Variants in ATP7A observed in about 807,000 individuals in gnomAD.
ATP7A encodes the protein copper-transporting ATPase 1.
A neutral mutation model predicts 83.5 loss-of-function variants in ATP7A; 7 were observed. That is an observed-to-expected ratio of 0.08 (90% confidence interval 0.05 to 0.16). The LOEUF (loss-of-function observed/expected upper bound fraction) is 0.16, where lower values mean the gene tolerates loss of function less well. Ranked by LOEUF, ATP7A falls within the 10% of genes least tolerant of loss-of-function variation. ATP7A has a pLI of 1.00. For missense variants in ATP7A, 940 were observed against 1,120.8 expected (o/e 0.84, Z 2.30); for synonymous variants, 354 against 395.2 (o/e 0.90, Z 1.24).
At chrX:77,917,346 T>C (rs1186417335) in intron 1 of ATP7A, among the ~76,000 whole-genome samples, 1 of 111,037 alleles carries the variant, frequency 9.0e-6, no homozygotes, top group African/African-American at 3.3e-5. Context: ...CTGGAGAGGG[T>C]TTGGGGCTTT....
At chrX:78,037,393 T>C (rs1176977711) in intron 17 of ATP7A, among the ~76,000 whole-genome samples, 4 of 112,602 alleles carry the variant, frequency 3.6e-5, no homozygotes, top group African/African-American at 1.3e-4. Context: ...AATAGCCACA[T>C]CTGTGTGTTA....
At chrX:78,022,509 A>ATTTG (rs2077914044) in intron 14 of ATP7A, among the ~76,000 whole-genome samples, 1 of 74,299 alleles carries the variant, frequency 1.3e-5, no homozygotes, top group Non-Finnish European at 2.8e-5. Flanking sequence ...TTGTTTGTTT[A>ATTTG]TTTATTTATT....
At chrX:77,968,580 C>A (rs1171452596) in intron 1 of ATP7A, among the ~76,000 whole-genome samples, 1 of 112,116 alleles carries the variant, frequency 8.9e-6, no homozygotes, top group Non-Finnish European at 1.9e-5. Context: ...GTAAACAAAG[C>A]ACTCACAAAA....
At chrX:78,018,831 G>C (rs1297945133) in intron 12 of ATP7A, among the ~76,000 whole-genome samples, 3 of 111,918 alleles carry the variant, frequency 2.7e-5, no homozygotes, top group African/African-American at 9.8e-5. Flanking sequence ...TAAAATCTTG[G>C]CAGAAGGTGA....
intron 1 of ATP7A, among the ~76,000 whole-genome samples, chrX:77,918,739 T>C (rs1044732331): frequency 4.5e-5 from 5 of 111,555 alleles, no homozygotes; most frequent in African/African-American, 1.3e-4. Flanking sequence ...GGCTGTTGCA[T>C]TGTACAAATC....
intron 12 of ATP7A, 50 bp downstream of exon 12, chrX:78,015,931 G>C (rs1557235120): frequency 8.5e-7 from 1 of 1,179,088 alleles, no homozygotes; most frequent in Non-Finnish European, 1.2e-6. Flanking sequence ...AAATAGACAT[G>C]AAAGATGAAG....
Position 78,040,578 on chromosome X carries a change from G to A in ATP7A, c.3659-13G>A. 8.3e-7 allele frequency: 1 copy of A among 1,208,823 alleles called. No homozygotes were observed. Among genetic ancestry groups the A allele is most frequent in the Middle Eastern group, 2.3e-4 (1 of 4,348 alleles). On this transcript the variant is annotated splice_polypyrimidine_tract_variant and intron_variant, in intron 18 of 22. Transcript: ENST00000341514. ...ATTCCAAGTTCTTTTATTTTGTGCT[G>A]CCCCTATATTAGATGAGCTGTGTGG...
intron 1 of ATP7A, among the ~76,000 whole-genome samples, chrX:77,919,211 A>G (rs2077199143): frequency 1.8e-5 from 2 of 111,930 alleles, no homozygotes; most frequent in South Asian, 3.7e-4. Flanking sequence ...TCTTTCTGCT[A>G]TTAACAAACT....
In ATP7A at chrX:78,011,271, C is replaced by T; in HGVS notation, c.1946+19C>T. The T allele has an allele frequency of 8.4e-7, 1 of 1,188,772 alleles. No homozygotes were observed. The highest frequency in any genetic ancestry group is 1.1e-6 in the Non-Finnish European group (1 of 875,306). On this transcript the variant is annotated intron_variant, in intron 8 of 22. Coordinates refer to ENST00000341514, the MANE Select transcript of ATP7A (RefSeq NM_000052.7). Reference sequence around the variant, plus strand: ...TAAGACAGTAAGTACTTTGGAGTGTCAGTAAAAAACAGATTTTGACTCCTT... The same window carrying T: ...TAAGACAGTAAGTACTTTGGAGTGTTAGTAAAAAACAGATTTTGACTCCTT...
At chrX:77,968,508 G>A (rs1285076590) in intron 1 of ATP7A, among the ~76,000 whole-genome samples, 3 of 111,622 alleles carry the variant, frequency 2.7e-5, no homozygotes, top group African/African-American at 9.8e-5. Context: ...CATGGGGACA[G>A]ACAGGCTCTG....
chrX:78,016,266 A>G (rs1385031798), intron 12 of ATP7A, among the ~76,000 whole-genome samples: 1 of 110,688 alleles, frequency 9.0e-6, no homozygotes, highest in Non-Finnish European at 1.9e-5. Context: ...TAAAACCATA[A>G]GGTCTCATGA....
chrX:77,911,709 C>G (rs1327413504), intron 1 of ATP7A, among the ~76,000 whole-genome samples: 1 of 110,691 alleles, frequency 9.0e-6, no homozygotes, highest in South Asian at 3.8e-4. Context: ...TTTGGGAGGC[C>G]GAGGAGGGTG....
intron 1 of ATP7A, among the ~76,000 whole-genome samples, chrX:77,957,433 A>G (rs1557227530): frequency 9.1e-6 from 1 of 109,384 alleles, no homozygotes; most frequent in Non-Finnish European, 1.9e-5. Flanking sequence ...TATCCAGAAT[A>G]TATAAAGAAC....
At chrX:77,956,173 T>C (rs782322106) in intron 1 of ATP7A, among the ~76,000 whole-genome samples, 41 of 111,975 alleles carry the variant, frequency 3.7e-4, no homozygotes, top group African/African-American at 1.3e-3. Flanking sequence ...GTGGGATTGC[T>C]GGATCATATG....
At chrX:78,037,013 G>T (rs1342168877) in intron 17 of ATP7A, among the ~76,000 whole-genome samples, 1 of 111,761 alleles carries the variant, frequency 8.9e-6, no homozygotes, top group Non-Finnish European at 1.9e-5. Flanking sequence ...TTATGCCAAG[G>T]TTTGTGGCCT....
At chrX:78,035,482 A>G (rs1347860710) in intron 17 of ATP7A, among the ~76,000 whole-genome samples, 2 of 111,646 alleles carry the variant, frequency 1.8e-5, no homozygotes. Flanking sequence ...TTTTGTTTCA[A>G]GAGATGCACA....
intron 1 of ATP7A, among the ~76,000 whole-genome samples, chrX:77,929,263 C>G (rs1244885578): frequency 8.9e-6 from 1 of 111,815 alleles, no homozygotes; most frequent in Non-Finnish European, 1.9e-5. Context: ...GCTGACCTGC[C>G]ATTGTTGTGT....
In ATP7A at chrX:78,050,270, C is replaced by T. The variant is rs1034861095; in HGVS notation, c.*3700C>T. ...GTTTGGTACCGAAAACAGCAGTGGA[C>T]GATGTTGTGCAATATCCATCTACTG... On this transcript the variant is annotated 3_prime_UTR_variant, in exon 23 of 23. Coordinates refer to ENST00000341514, the MANE Select transcript of ATP7A (RefSeq NM_000052.7). The T allele has an allele frequency of 1.8e-5, 2 of 112,086 alleles. No individual in the cohort carries two copies. The highest frequency in any genetic ancestry group is 1.9e-4 in the Admixed American group (2 of 10,486). The allele number at this position is 112,086 out of a possible 1,213,427, so 9.2% of individuals were successfully genotyped here. A position where few individuals can be genotyped will look rare whatever the true frequency, so the allele number is the denominator to read the frequency against.
chrX:77,954,422 G>A (rs1418604273), intron 1 of ATP7A, among the ~76,000 whole-genome samples: 2 of 112,063 alleles, frequency 1.8e-5, no homozygotes, highest in African/African-American at 3.2e-5. Context: ...GATTACAGGC[G>A]TGAGCAACTG....
Sources: gnomAD v4.1 joint callset for allele counts (sites outside exome capture counted in the v4.1 genomes callset) on GRCh38, gnomAD v4.1.1 for gene constraint, MANE v1.5 for transcripts, NCBI Gene and HGNC (gene_info 2026-07-23, HGNC 2026-07-21) for gene names.